Variants in ERO1A observed in about 807,000 individuals in gnomAD.
ERO1A encodes endoplasmic reticulum oxidoreductase 1 alpha.
A neutral mutation model predicts 76.9 loss-of-function variants in ERO1A; 49 were observed. That is an observed-to-expected ratio of 0.64 (90% CI 0.51 to 0.81). The LOEUF (loss-of-function observed/expected upper bound fraction) is 0.81, where lower values mean the gene tolerates loss of function less well. Ranked by LOEUF, ERO1A falls within the 30% of genes least tolerant of loss-of-function variation. The pLI is 0.00. For missense variants in ERO1A, 448 were observed against 542.1 expected (o/e 0.83, Z 1.72); for synonymous variants, 174 against 181.2 (o/e 0.96, Z 0.32).
intron 13 of ERO1A, among the ~76,000 whole-genome samples, chr14:52,651,131 TAGAC>T (rs1468463209): frequency 7.2e-6 from 1 of 138,290 alleles, no homozygotes; most frequent in Non-Finnish European, 1.5e-5. Flanking sequence ...AAAAAAAAGT[TAGAC>T]AGGCATGGTG....
At chr14:52,658,404 G>T in intron 9 of ERO1A, 1 of 358,148 alleles carries the variant, frequency 2.8e-6, no homozygotes, top group South Asian at 5.1e-5. Context: ...ATAACGTTCT[G>T]GTTAAAGTGT....
chr14:52,662,843 T>G (rs1224538997), intron 8 of ERO1A, among the ~76,000 whole-genome samples: 3 of 152,118 alleles, frequency 2.0e-5, no homozygotes, highest in Admixed American at 6.5e-5. Context: ...AGGCTCTATA[T>G]AGAGAGATAA....
Position 52,695,354 on chromosome 14 carries a change from C to T in ERO1A, c.114+14G>A. 2 of 1,424,424 alleles carry T rather than the reference C, an allele frequency of 1.4e-6. No individual in the cohort carries two copies. Among genetic ancestry groups the T allele is most frequent in the Non-Finnish European group, 9.3e-7 (1 of 1,075,526 alleles). 88.2% of individuals were successfully genotyped at this position (1,424,424 alleles called of 1,614,324 possible). On this transcript the variant is annotated intron_variant, in intron 1 of 15. Coordinates refer to ENST00000395686, the MANE Select transcript of ERO1A (RefSeq NM_014584.3). The stretch of plus-strand genomic sequence containing the variant: ...GGCGCCGGGACCCTCAGCACCAACG[C>T]GCACATCGCTCACCTGGCAGAAGCA...
At chr14:52,694,587 T>C (rs1036189017) in intron 1 of ERO1A, among the ~76,000 whole-genome samples, 1 of 152,052 alleles carries the variant, frequency 6.6e-6, no homozygotes, top group Non-Finnish European at 1.5e-5. Context: ...AAAAGTGGCT[T>C]TGACAAGAGT....
chr14:52,675,123 C>T (rs571454125), intron 4 of ERO1A, among the ~76,000 whole-genome samples: 1 of 152,260 alleles, frequency 6.6e-6, no homozygotes, highest in East Asian at 1.9e-4. Flanking sequence ...GTGGCTCACA[C>T]CTGTAATCCC....
At position 52,649,888 on chromosome 14, in the gene ERO1A, T is replaced by C. The variant is rs111801358; in HGVS notation, c.1125+2351A>G. On this transcript the variant is annotated intron_variant, in intron 13 of 15. Transcript: ENST00000395686. ...GTTCTTTCATTACAGAAAGAAAGAA[T>C]GAAAAGCAGAGGAAGATTTTTGTAA... Among the ~76,000 whole-genome samples, 1,338 of 152,238 alleles carry C rather than the reference T, an allele frequency of 8.8e-3. 21 individuals carry two copies. The highest frequency in any genetic ancestry group is 0.031 in the African/African-American group (1,291 of 41,544).
chr14:52,670,801 TAAG>T (rs781686175), intron 6 of ERO1A, among the ~76,000 whole-genome samples: 8 of 152,210 alleles, frequency 5.3e-5, no homozygotes, highest in Non-Finnish European at 1.2e-4. Flanking sequence ...CTGCAAAACT[TAAG>T]AGGTACATTT....
rs2039928704 is a variant in ERO1A at position 52,653,076 on chromosome 14, C to T, written c.1048G>A (p.Glu350Lys). 6.7e-7 allele frequency: 1 copy of T among 1,500,032 alleles called. No individual in the cohort carries two copies. The highest frequency in any genetic ancestry group is 9.3e-7 in the Non-Finnish European group (1 of 1,078,166). The allele number at this position is 1,500,032 out of a possible 1,614,324, so 92.9% of individuals were successfully genotyped here. ...NKMLLLEILH[E>K]IKSFPLHFDE... is the part of the protein sequence containing the mutation. ...GTTTAATATATAATTTACTTGATTT[C>T]ATGAAGTATTTCCAGAAGTAACATT... is the stretch of plus-strand genomic sequence containing the variant. Residue 350 changes from glutamate (E) to lysine (K), a missense_variant, in exon 12 of 16, where the codon GAA becomes AAA. Glu to Lys is a moderately conservative substitution (Grantham distance 56, BLOSUM62 1). Around this residue, in one of 2 missense-constraint regions of ERO1A, gnomAD observed 302 missense variants for 411.9 expected, o/e 0.73. Coordinates refer to ENST00000395686, the MANE Select transcript of ERO1A (RefSeq NM_014584.3).
chr14:52,682,300 T>G, intron 3 of ERO1A, 25 bp downstream of exon 3: 1 of 1,509,588 alleles, frequency 6.6e-7, no homozygotes, highest in East Asian at 2.3e-5. Flanking sequence ...ATGTAACAGT[T>G]TTTAAATGTA....
intron 15 of ERO1A, among the ~76,000 whole-genome samples, chr14:52,644,023 G>A (rs530540983): frequency 6.6e-6 from 1 of 151,876 alleles, no homozygotes; most frequent in East Asian, 1.9e-4. Context: ...CCATGTAGTC[G>A]TAGCTACTTG....
chr14:52,675,626 G>C (rs909877372), intron 4 of ERO1A, among the ~76,000 whole-genome samples: 21 of 152,008 alleles, frequency 1.4e-4, no homozygotes, highest in African/African-American at 5.1e-4. Flanking sequence ...AGTAATAATT[G>C]CAATTTGCTA....
chr14:52,687,356 G>C (rs1022053520), intron 1 of ERO1A, among the ~76,000 whole-genome samples: 2 of 152,190 alleles, frequency 1.3e-5, no homozygotes, highest in African/African-American at 4.8e-5. Context: ...CTTGAGCCTG[G>C]GAAGTCGAAG....
intron 4 of ERO1A, among the ~76,000 whole-genome samples, chr14:52,672,776 C>CA (rs1226719026): frequency 0.13 from 7,938 of 59,082 alleles, 369 homozygotes; most frequent in African/African-American, 0.22. Context: ...TGTCTCTGAC[C>CA]AAAAAAAAAA....
intron 1 of ERO1A, among the ~76,000 whole-genome samples, chr14:52,684,853 G>C (rs2041129055): frequency 6.6e-6 from 1 of 150,596 alleles, no homozygotes; most frequent in Admixed American, 6.6e-5. Flanking sequence ...AAAATTCTTA[G>C]ATGTTTATTT....
At chr14:52,695,345 G>A (rs1202334685) in intron 1 of ERO1A, 23 bp downstream of exon 1, 46 of 1,401,890 alleles carry the variant, frequency 3.3e-5, no homozygotes, top group Non-Finnish European at 4.3e-5. Flanking sequence ...GGGACCCTCA[G>A]CACCAACGCG....
chr14:52,680,148 G>A (rs2040945737), intron 3 of ERO1A, among the ~76,000 whole-genome samples: 1 of 148,854 alleles, frequency 6.7e-6, no homozygotes, highest in Admixed American at 6.7e-5. Context: ...CTTCTTCCCA[G>A]CTCTGCAGAA....
chr14:52,688,519 T>C (rs2041251917), intron 1 of ERO1A, among the ~76,000 whole-genome samples: 2 of 152,238 alleles, frequency 1.3e-5, no homozygotes, highest in African/African-American at 4.8e-5. Context: ...TGTCAGTACA[T>C]GTTAATCATT....
At chr14:52,666,541 CT>C in intron 6 of ERO1A, 46 bp from the exon 7 acceptor site, 1 of 1,528,494 alleles carries the variant, frequency 6.5e-7, no homozygotes, top group Non-Finnish European at 8.9e-7. Context: ...CCTCAGTTAC[CT>C]TAAAAAGCTA....
chr14:52,666,398 G>T lies in ERO1A; in HGVS notation c.606C>A (p.Val202=). ...ACTTAAAACAGTTTTCTTCGTAGAT[G>T]ACATTCCATATTTTCCAAGCATCTG... The part of the protein sequence containing the change: ...KGPDAWKIWN[V]IYEENCFKPQ... The change falls in exon 7 of 16, where the codon GTC becomes GTA. Residue 202 remains valine, a synonymous_variant. Transcript: ENST00000395686. The T allele has an allele frequency of 6.2e-7, 1 of 1,606,922 alleles. No homozygotes were observed. The highest frequency in any genetic ancestry group is 1.1e-5 in the South Asian group (1 of 89,372).
Sources: gnomAD v4.1 joint callset for allele counts (sites outside exome capture counted in the v4.1 genomes callset) on GRCh38, gnomAD v4.1.1 for gene constraint, gnomAD v4.1.1 regional missense constraint, MANE v1.5 for transcripts, NCBI Gene and HGNC (gene_info 2026-07-23, HGNC 2026-07-21) for gene names.